The following CMKLR1 variants were observed in gnomAD, a reference collection of about 807,000 sequenced individuals.
CMKLR1 encodes the protein chemerin-like receptor 1.
CMKLR1 carries 6 observed loss-of-function variants against 8.2 expected under a neutral mutation model. The observed-to-expected ratio is 0.73, with a 90% CI of 0.40 to 1.44. The LOEUF is 1.44. CMKLR1 is among the 40% of genes most tolerant of loss of function. The pLI is 0.02. For missense variants in CMKLR1, 429 were observed against 478.0 expected (o/e 0.90, Z 0.96); for synonymous variants, 178 against 181.2 (o/e 0.98, Z 0.14).
intron 2 of CMKLR1, among the ~76,000 whole-genome samples, chr12:108,310,261 C>G (rs1891518971): frequency 1.3e-5 from 2 of 151,768 alleles, no homozygotes; most frequent in Admixed American, 6.6e-5. Flanking sequence ...ATTGTGAGAT[C>G]CCTGCAAGCC....
intron 2 of CMKLR1, among the ~76,000 whole-genome samples, chr12:108,308,220 AAGG>A (rs1342452221): frequency 6.6e-6 from 1 of 152,140 alleles, no homozygotes; most frequent in Non-Finnish European, 1.5e-5. Flanking sequence ...CATCTGTCTC[AAGG>A]AGTTGTGAGG....
intron 2 of CMKLR1, among the ~76,000 whole-genome samples, chr12:108,316,481 G>A (rs1891737257): frequency 6.6e-6 from 1 of 152,150 alleles, no homozygotes; most frequent in Non-Finnish European, 1.5e-5. Flanking sequence ...AGCGGTCAGG[G>A]CAAAGCAGCA....
At chr12:108,302,425 A>G (rs1891301731) in intron 2 of CMKLR1, among the ~76,000 whole-genome samples, 1 of 152,242 alleles carries the variant, frequency 6.6e-6, no homozygotes. Context: ...GCAAATCCTC[A>G]ACTGACGATT....
intron 3 of CMKLR1, 36 bp from the exon 4 acceptor site, chr12:108,292,995 A>G: frequency 6.4e-7 from 1 of 1,561,670 alleles, no homozygotes; most frequent in East Asian, 2.3e-5. Context: ...GAGGAACCCT[A>G]GAGTTGGCTT....
At chr12:108,307,888 T>C (rs1468635962) in intron 2 of CMKLR1, among the ~76,000 whole-genome samples, 1 of 152,170 alleles carries the variant, frequency 6.6e-6, no homozygotes, top group Non-Finnish European at 1.5e-5. Flanking sequence ...CAACATACCA[T>C]GATGGTGAAG....
chr12:108,309,493 C>T (rs1223244312), intron 2 of CMKLR1, among the ~76,000 whole-genome samples: 1 of 151,932 alleles, frequency 6.6e-6, no homozygotes, highest in Non-Finnish European at 1.5e-5. Flanking sequence ...TATGATTGCA[C>T]CACTACACTC....
At chr12:108,330,532 T>A (rs958934788) in intron 1 of CMKLR1, among the ~76,000 whole-genome samples, 3 of 152,186 alleles carry the variant, frequency 2.0e-5, no homozygotes, top group African/African-American at 7.2e-5. Flanking sequence ...TGGACTTCCA[T>A]CCCTGGACTA....
chr12:108,323,126 A>G (rs1459522998), intron 2 of CMKLR1, among the ~76,000 whole-genome samples: 2 of 152,084 alleles, frequency 1.3e-5, no homozygotes, highest in Non-Finnish European at 2.9e-5. Context: ...ATTTCCCACA[A>G]ATTTTTGAGA....
intron 2 of CMKLR1, among the ~76,000 whole-genome samples, chr12:108,322,351 G>A (rs957363196): frequency 6.6e-6 from 1 of 152,172 alleles, no homozygotes; most frequent in South Asian, 2.1e-4. Flanking sequence ...GGGTCCATAT[G>A]TTCCGGCTGA....
chr12:108,335,089 T>C (rs1264023300), intron 1 of CMKLR1, among the ~76,000 whole-genome samples: 1 of 152,156 alleles, frequency 6.6e-6, no homozygotes, highest in Non-Finnish European at 1.5e-5. Context: ...TAAGATTGAC[T>C]AATGGAAATG....
intron 2 of CMKLR1, among the ~76,000 whole-genome samples, chr12:108,323,910 G>C (rs1344273506): frequency 6.6e-6 from 1 of 152,192 alleles, no homozygotes; most frequent in Non-Finnish European, 1.5e-5. Context: ...TGGAGGAATA[G>C]GCTGGCCCCA....
chr12:108,338,110 A>T (rs1258237500), intron 1 of CMKLR1, among the ~76,000 whole-genome samples: 1 of 152,208 alleles, frequency 6.6e-6, no homozygotes, highest in Non-Finnish European at 1.5e-5. Context: ...ATCAAGTAGT[A>T]GTTCCCTGAT....
rs147853457 is a variant in CMKLR1, at chr12:108,300,157, C to T, written c.-73-6493G>A. Reference sequence around the variant, plus strand: ...GTTTCTCTTACACTATGGACCAGGGCGCCATGTGGCTTGAGCTTACTCACA... The same window carrying T: ...GTTTCTCTTACACTATGGACCAGGGTGCCATGTGGCTTGAGCTTACTCACA... On this transcript the variant is annotated intron_variant, in intron 2 of 3. Transcript: ENST00000550402. Among the ~76,000 whole-genome samples, 280 of 152,302 alleles carry T rather than the reference C, an allele frequency of 1.8e-3. 2 individuals are homozygous for T. The highest frequency in any genetic ancestry group is 0.013 in the East Asian group (69 of 5,184).
At chr12:108,296,686 C>A (rs1298380811) in intron 2 of CMKLR1, among the ~76,000 whole-genome samples, 2 of 152,172 alleles carry the variant, frequency 1.3e-5, no homozygotes, top group Non-Finnish European at 1.5e-5. Flanking sequence ...ATTAGCCAGG[C>A]ATGGCAACAC....
chr12:108,334,727 C>G (rs752607052), intron 1 of CMKLR1, among the ~76,000 whole-genome samples: 38 of 152,202 alleles, frequency 2.5e-4, no homozygotes, highest in Non-Finnish European at 3.4e-4. Context: ...TCGTTCAAAT[C>G]CCATTCTTTT....
rs146819013 is a variant in CMKLR1, at chr12:108,309,478, T to C, written c.-73-15814A>G. Among the ~76,000 whole-genome samples, 578 of 151,490 alleles carry C rather than the reference T, an allele frequency of 3.8e-3. 3 individuals carry two copies. Among genetic ancestry groups the C allele is most frequent in the African/African-American group, 0.013 (540 of 41,188 alleles). ...TGAGCCCAGCAGCTTAGGGCTGCAG[T>C]GAGCTATGATTGCACCACTACACTC... is the stretch of plus-strand genomic sequence containing the variant. On this transcript the variant is annotated intron_variant, in intron 2 of 3. Coordinates refer to ENST00000550402, the MANE Select transcript of CMKLR1 (RefSeq NM_001142343.2).
At chr12:108,313,266 C>T (rs1331427690) in intron 2 of CMKLR1, among the ~76,000 whole-genome samples, 1 of 152,028 alleles carries the variant, frequency 6.6e-6, no homozygotes, top group Non-Finnish European at 1.5e-5. Context: ...GCCCCCCACC[C>T]TACCCCACCC....
intron 2 of CMKLR1, among the ~76,000 whole-genome samples, chr12:108,299,381 C>T (rs539378786): frequency 6.6e-6 from 1 of 152,274 alleles, no homozygotes; most frequent in East Asian, 1.9e-4. Flanking sequence ...GGAGTTTCTA[C>T]TCCCTTTTAA....
chr12:108,303,678 G>A (rs1891334861), intron 2 of CMKLR1, among the ~76,000 whole-genome samples: 1 of 152,164 alleles, frequency 6.6e-6, no homozygotes, highest in Admixed American at 6.5e-5. Context: ...TTTTGCCCCA[G>A]TGGAACCTCC....
Sources: allele counts gnomAD v4.1 joint callset (sites outside exome capture counted in the v4.1 genomes callset), GRCh38; gene constraint gnomAD v4.1.1; transcripts MANE v1.5; gene names NCBI Gene and HGNC (gene_info 2026-07-23, HGNC 2026-07-21).